The following AKAP6 variants were observed in gnomAD, a reference collection of about 807,000 sequenced individuals.
AKAP6 encodes A-kinase anchoring protein 6, also known as A-kinase anchor protein 6.
AKAP6 carries 58 observed loss-of-function variants against 188.5 expected under a neutral mutation model. The ratio of observed to expected loss-of-function variants is 0.31; its 90% CI spans 0.25 to 0.38. The LOEUF (loss-of-function observed/expected upper bound fraction) is 0.38, where lower values mean the gene tolerates loss of function less well. Ranked by LOEUF, AKAP6 falls within the 10% of genes least tolerant of loss-of-function variation. The pLI is 1.00. For synonymous variants in AKAP6, 989 were observed against 998.6 expected (o/e 0.99, Z 0.18); for missense variants, 2,710 against 2,740.0 (o/e 0.99, Z 0.24).
At chr14:32,351,288 C>T (rs1301533938) in intron 1 of AKAP6, among the ~76,000 whole-genome samples, 1 of 152,182 alleles carries the variant, frequency 6.6e-6, no homozygotes, top group Non-Finnish European at 1.5e-5. Context: ...CTGGGCCAGG[C>T]ATGGTGGCTC....
chr14:32,600,210 A>G (rs1227303475), intron 6 of AKAP6, among the ~76,000 whole-genome samples: 1 of 152,166 alleles, frequency 6.6e-6, no homozygotes, highest in African/African-American at 2.4e-5. Flanking sequence ...ATTCTGGCCT[A>G]TTTACTGTAT....
At chr14:32,495,965 A>G (rs576380134) in intron 2 of AKAP6, among the ~76,000 whole-genome samples, 2 of 152,308 alleles carry the variant, frequency 1.3e-5, no homozygotes, top group East Asian at 1.9e-4. Flanking sequence ...TCTTACCCCA[A>G]TGTTGACCTG....
intron 2 of AKAP6, among the ~76,000 whole-genome samples, chr14:32,440,145 C>T (rs867528455): frequency 6.6e-6 from 1 of 152,150 alleles, no homozygotes; most frequent in African/African-American, 2.4e-5. Context: ...ATGACGGTTT[C>T]CAGCTTCATC....
chr14:32,421,994 A>G (rs992895121), intron 1 of AKAP6, among the ~76,000 whole-genome samples: 4 of 152,196 alleles, frequency 2.6e-5, no homozygotes, highest in Non-Finnish European at 5.9e-5. Context: ...CTGCCAGTCC[A>G]GAGACCCTGT....
At position 32,500,317 on chromosome 14, in the gene AKAP6, A is replaced by G. The variant is rs1223453237; in HGVS notation, c.325-35237A>G. Reference sequence around the variant, plus strand: ...TGACCTGTTCATTTGGCAGATTGCCATGAAGTATTTACTTGATAAGATTAT... The same window carrying G: ...TGACCTGTTCATTTGGCAGATTGCCGTGAAGTATTTACTTGATAAGATTAT... On this transcript the variant is annotated intron_variant, in intron 2 of 13. Coordinates refer to ENST00000280979, the MANE Select transcript of AKAP6 (RefSeq NM_004274.5). Among the ~76,000 whole-genome samples the G allele has an allele frequency of 2.0e-5, 3 of 152,328 alleles. No homozygotes were observed. In the East Asian group the frequency reaches 5.8e-4, roughly 29 times the overall value.
chr14:32,442,188 G>A (rs922699529), intron 2 of AKAP6, among the ~76,000 whole-genome samples: 1 of 152,176 alleles, frequency 6.6e-6, no homozygotes, highest in Non-Finnish European at 1.5e-5. Context: ...TAGAAATGAG[G>A]AGACTGAGTC....
chr14:32,772,724 T>C (rs2032937104), intron 11 of AKAP6, among the ~76,000 whole-genome samples: 1 of 152,232 alleles, frequency 6.6e-6, no homozygotes, highest in African/African-American at 2.4e-5. Flanking sequence ...ACTCTCACAC[T>C]AAATGAAATT....
intron 7 of AKAP6, among the ~76,000 whole-genome samples, chr14:32,607,883 TA>T (rs1340237938): frequency 1.2e-4 from 19 of 152,214 alleles, no homozygotes; most frequent in Non-Finnish European, 1.5e-5. Context: ...CTCTTTCTGC[TA>T]CTGTGGATTT....
chr14:32,414,762 C>T (rs1285158510), intron 1 of AKAP6, among the ~76,000 whole-genome samples: 1 of 152,096 alleles, frequency 6.6e-6, no homozygotes, highest in African/African-American at 2.4e-5. Flanking sequence ...AGCCCTTTCA[C>T]TTTATAGCCA....
intron 9 of AKAP6, among the ~76,000 whole-genome samples, chr14:32,705,589 G>A (rs1438754058): frequency 6.6e-6 from 1 of 152,046 alleles, no homozygotes; most frequent in Non-Finnish European, 1.5e-5. Context: ...TGCTCACAGG[G>A]ATCTTGATTA....
At chr14:32,730,166 AC>A (rs1442983638) in intron 9 of AKAP6, among the ~76,000 whole-genome samples, 1 of 152,198 alleles carries the variant, frequency 6.6e-6, no homozygotes, top group Non-Finnish European at 1.5e-5. Flanking sequence ...AAATATTTTC[AC>A]CTTAAATTAT....
At chr14:32,782,777 C>G (rs1038907639) in intron 12 of AKAP6, among the ~76,000 whole-genome samples, 4 of 151,846 alleles carry the variant, frequency 2.6e-5, no homozygotes, top group Non-Finnish European at 5.9e-5. Flanking sequence ...TAATAGTGGA[C>G]TATACTGAAT....
At position 32,400,608 on chromosome 14, in the gene AKAP6, G is replaced by C. The variant is rs534310412; in HGVS notation, c.-34-32852G>C. On this transcript the variant is annotated intron_variant, in intron 1 of 13. Transcript: ENST00000280979. ...AGTAAGCATTCATAAATGTCATAATGCTAGTCAAAAGTGACTCAGGTTATT... is the reference window on the plus strand; with the variant it reads ...AGTAAGCATTCATAAATGTCATAATCCTAGTCAAAAGTGACTCAGGTTATT... 3.5e-5 allele frequency among the ~76,000 whole-genome samples: 4 copies of C among 113,614 alleles called. No individual in the cohort carries two copies. In the South Asian group the frequency reaches 1.4e-3, roughly 38 times the overall value. 74.5% of individuals were successfully genotyped at this position (113,614 alleles called of 152,430 possible). A position where few individuals can be genotyped will look rare whatever the true frequency, so the allele number is the denominator to read the frequency against.
intron 9 of AKAP6, among the ~76,000 whole-genome samples, chr14:32,697,553 T>G (rs1281991582): frequency 6.6e-6 from 1 of 152,174 alleles, no homozygotes; most frequent in African/African-American, 2.4e-5. Flanking sequence ...GAAAAATATT[T>G]TATCCCTAAG....
intron 1 of AKAP6, among the ~76,000 whole-genome samples, chr14:32,428,575 A>G (rs889884629): frequency 1.4e-4 from 21 of 152,180 alleles, no homozygotes; most frequent in African/African-American, 4.8e-4. Context: ...AGTGAGTACA[A>G]TAGGCAAGAT....
intron 1 of AKAP6, among the ~76,000 whole-genome samples, chr14:32,405,004 G>A (rs1889241457): frequency 1.3e-5 from 2 of 151,678 alleles, no homozygotes; most frequent in South Asian, 4.2e-4. Flanking sequence ...CCTGATGACA[G>A]CTGTGACCTC....
chr14:32,682,348 A>G lies in AKAP6; in HGVS notation c.2879+3889A>G, dbSNP rs139589365. Among the ~76,000 whole-genome samples, 284 of 152,362 alleles carry G rather than the reference A, an allele frequency of 1.9e-3. 1 individual carries two copies. The highest frequency in any genetic ancestry group is 3.4e-4 in the Non-Finnish European group (23 of 68,034). Reference sequence around the variant, plus strand: ...ATCTGTGCAGTGAGAGAGAAGGGGAAATAGAGAATGCTAGGGAACTTAGAG... The same window carrying G: ...ATCTGTGCAGTGAGAGAGAAGGGGAGATAGAGAATGCTAGGGAACTTAGAG... On this transcript the variant is annotated intron_variant, in intron 8 of 13. Transcript: ENST00000280979.
chr14:32,734,360 T>C (rs1455202798), intron 10 of AKAP6: 1 of 152,138 alleles, frequency 6.6e-6, no homozygotes, highest in Admixed American at 6.6e-5. Context: ...CAGTGGTGCG[T>C]ACAGTTTAAT....
intron 7 of AKAP6, among the ~76,000 whole-genome samples, chr14:32,670,975 G>A (rs1889164608): frequency 6.6e-6 from 1 of 152,112 alleles, no homozygotes. Context: ...TGTGCTGGGT[G>A]CTAGGGATAA....
Sources: gnomAD v4.1 joint callset for allele counts (sites outside exome capture counted in the v4.1 genomes callset) on GRCh38, gnomAD v4.1.1 for gene constraint, MANE v1.5 for transcripts, NCBI Gene and HGNC (gene_info 2026-07-23, HGNC 2026-07-21) for gene names.